Variants in CSMD1 observed in about 807,000 individuals in gnomAD.
CSMD1 encodes CUB and Sushi multiple domains 1, also known as CUB and sushi domain-containing protein 1.
In CSMD1, 213 loss-of-function variants were observed where a neutral mutation model predicts 417.5. The ratio of observed to expected loss-of-function variants is 0.51; its 90% CI spans 0.46 to 0.57. The LOEUF (loss-of-function observed/expected upper bound fraction) is 0.57. Among genes scored for constraint, CSMD1 ranks in the 20% least tolerant of loss-of-function variants. The probability of loss-of-function intolerance (pLI) is 0.00; values close to 1 mark genes in which losing one functional copy is unlikely to be tolerated. For missense variants in CSMD1, 6,923 were observed against 4,529.7 expected, an observed-to-expected ratio of 1.53 and a Z score of -15.17; for synonymous variants, 2,862 against 1,736.8, an observed-to-expected ratio of 1.65 and a Z score of -16.11.
At chr8:4,506,101 A>G (rs138016898) in intron 2 of CSMD1, among the ~76,000 whole-genome samples, 4 of 152,262 alleles carry the variant, frequency 2.6e-5, no homozygotes, top group East Asian at 3.9e-4. Context: ...AATTACCACA[A>G]TAGTCTTTCT....
intron 26 of CSMD1, among the ~76,000 whole-genome samples, chr8:3,246,743 G>A (rs535811463): frequency 2.5e-4 from 38 of 152,226 alleles, no homozygotes; most frequent in African/African-American, 8.2e-4. Context: ...AAAGTGCTGC[G>A]ATTACAGGTG....
At chr8:4,190,733 T>C (rs1388159732) in intron 3 of CSMD1, among the ~76,000 whole-genome samples, 2 of 152,094 alleles carry the variant, frequency 1.3e-5, no homozygotes, top group Non-Finnish European at 2.9e-5. Context: ...TGAAATCACA[T>C]GAATGGATAT....
chr8:3,182,196 A>G (rs1821377159), intron 36 of CSMD1, among the ~76,000 whole-genome samples: 1 of 152,210 alleles, frequency 6.6e-6, no homozygotes, highest in Non-Finnish European at 1.5e-5. Context: ...TATTGAAAAG[A>G]TAAGATTGTC....
In CSMD1 at chr8:4,809,476, C is replaced by T. The variant is rs147421122; in HGVS notation, c.86-171918G>A. Among the ~76,000 whole-genome samples the T allele has an allele frequency of 3.5e-3, 538 of 152,172 alleles. 2 individuals carry two copies. Among genetic ancestry groups the T allele is most frequent in the Non-Finnish European group, 5.4e-3 (368 of 68,010 alleles). On this transcript the variant is annotated intron_variant, in intron 1 of 69. Coordinates refer to ENST00000635120, the MANE Select transcript of CSMD1 (RefSeq NM_033225.6). ...GTATGTATAAACTAACAAGAGACTT[C>T]CAGGGGATTGCCAATAGACATGAAT...
chr8:4,107,736 G>A (rs1264752822), intron 3 of CSMD1, among the ~76,000 whole-genome samples: 1 of 152,144 alleles, frequency 6.6e-6, no homozygotes, highest in Admixed American at 6.5e-5. Flanking sequence ...TGATTAAAGG[G>A]AGGGACGCTG....
At chr8:3,684,472 G>C (rs910127858) in intron 7 of CSMD1, among the ~76,000 whole-genome samples, 3 of 150,284 alleles carry the variant, frequency 2.0e-5, no homozygotes, top group Admixed American at 6.7e-5. Context: ...TATAGGTTTT[G>C]GGATTTTTCT....
At chr8:3,285,518 C>G (rs1484906731) in intron 25 of CSMD1, among the ~76,000 whole-genome samples, 1 of 151,828 alleles carries the variant, frequency 6.6e-6, no homozygotes, top group Non-Finnish European at 1.5e-5. Flanking sequence ...TCCCAAGAAG[C>G]TAGGACTACA....
At chr8:4,089,616 T>A (rs1406297536) in intron 3 of CSMD1, among the ~76,000 whole-genome samples, 3 of 152,200 alleles carry the variant, frequency 2.0e-5, no homozygotes, top group African/African-American at 7.2e-5. Flanking sequence ...ATAATAAAAT[T>A]ATGTGCACTA....
At chr8:4,060,405 A>G (rs1418698700) in intron 3 of CSMD1, among the ~76,000 whole-genome samples, 1 of 152,182 alleles carries the variant, frequency 6.6e-6, no homozygotes, top group African/African-American at 2.4e-5. Flanking sequence ...GCCCTCTCTC[A>G]CCACTCCTAT....
intron 3 of CSMD1, among the ~76,000 whole-genome samples, chr8:4,238,637 G>C (rs974214161): frequency 4.6e-5 from 7 of 152,146 alleles, no homozygotes; most frequent in South Asian, 2.1e-4. Context: ...TGAAACCAAT[G>C]AGGTCATTCC....
intron 1 of CSMD1, among the ~76,000 whole-genome samples, chr8:4,932,356 A>C (rs1348173721): frequency 4.6e-5 from 7 of 152,116 alleles, no homozygotes; most frequent in African/African-American, 1.4e-4. Context: ...AAAAACACTC[A>C]AAGTCTGATT....
At chr8:4,194,085 T>C (rs1214566472) in intron 3 of CSMD1, among the ~76,000 whole-genome samples, 2 of 152,124 alleles carry the variant, frequency 1.3e-5, no homozygotes, top group African/African-American at 4.8e-5. Flanking sequence ...AATTTCAATC[T>C]ACTGTAAATG....
chr8:4,950,983 CAA>C (rs751433463), intron 1 of CSMD1, among the ~76,000 whole-genome samples: 1 of 97,974 alleles, frequency 1.0e-5, no homozygotes, highest in East Asian at 3.9e-4. Context: ...AAAACAAAAA[CAA>C]AAACAAACAA....
In CSMD1 at chr8:3,721,084, A is replaced by G. The variant is rs1407790639; in HGVS notation, c.932-12593T>C. On this transcript the variant is annotated intron_variant, in intron 6 of 69. Transcript: ENST00000635120. ...GTGATCTGCCCGCCTCGGCCTCCCA[A>G]AGTGCTGGGATTACAGGTGTGAGCC... Among the ~76,000 whole-genome samples the G allele has an allele frequency of 5.3e-5, 8 of 152,188 alleles. No homozygotes were observed. The East Asian group carries it at 1.5e-3, about 29-fold the overall frequency.
intron 1 of CSMD1, among the ~76,000 whole-genome samples, chr8:4,810,570 G>T (rs1249749625): frequency 6.6e-6 from 1 of 152,144 alleles, no homozygotes; most frequent in Admixed American, 6.6e-5. Context: ...TGTATGTGGG[G>T]GGTGGTGGCT....
chr8:3,283,006 C>T (rs1363890767), intron 26 of CSMD1, among the ~76,000 whole-genome samples: 1 of 152,050 alleles, frequency 6.6e-6, no homozygotes, highest in Non-Finnish European at 1.5e-5. Context: ...GGCTGAACTG[C>T]CACAAAATAT....
At chr8:4,776,526 G>C (rs183635330) in intron 1 of CSMD1, among the ~76,000 whole-genome samples, 1 of 152,216 alleles carries the variant, frequency 6.6e-6, no homozygotes, top group African/African-American at 2.4e-5. Flanking sequence ...CATAGGAATG[G>C]TGGCACCATA....
chr8:3,801,234 T>C (rs947486600), intron 5 of CSMD1, among the ~76,000 whole-genome samples: 1 of 150,192 alleles, frequency 6.7e-6, no homozygotes, highest in African/African-American at 2.5e-5. Flanking sequence ...ATAACCAGAA[T>C]ATATAGAGAG....
intron 4 of CSMD1, among the ~76,000 whole-genome samples, chr8:4,017,264 C>T (rs1796568430): frequency 2.6e-5 from 4 of 152,004 alleles, no homozygotes; most frequent in Admixed American, 2.6e-4. Flanking sequence ...CTATGCAATT[C>T]ATCTTCTCAT....
Sources: gnomAD v4.1 joint callset for allele counts (sites outside exome capture counted in the v4.1 genomes callset) on GRCh38, gnomAD v4.1.1 for gene constraint, MANE v1.5 for transcripts, NCBI Gene and HGNC (gene_info 2026-07-23, HGNC 2026-07-21) for gene names.